The following MIB1 variants were observed in gnomAD, a reference collection of about 807,000 sequenced individuals.
The protein encoded by MIB1 is E3 ubiquitin-protein ligase MIB1.
Under a neutral mutation model 124.5 loss-of-function variants are expected in MIB1, and 278 were observed. The observed-to-expected ratio is 2.23, with a 90% CI of 2.02 to 2.47. MIB1 has a LOEUF of 2.47. MIB1 is among the 30% of genes most tolerant of loss of function. MIB1 has a pLI of 0.00. For missense variants in MIB1, 957 were observed against 1,254.4 expected (o/e 0.76, Z 3.58); for synonymous variants, 446 against 429.4 (o/e 1.04, Z -0.48).
chr18:21,857,674 T>G (rs184816665), intron 19 of MIB1, among the ~76,000 whole-genome samples: 195 of 152,396 alleles, frequency 1.3e-3, no homozygotes, highest in Admixed American at 2.6e-3. Context: ...TGGTAATTAT[T>G]TGGGACAGAG....
In MIB1 at chr18:21,819,643, C is replaced by CCA; in HGVS notation, c.1827_1828dup (p.Ser610ThrfsTer37). On this transcript the variant is annotated frameshift_variant, in exon 12 of 21. Coordinates refer to ENST00000261537, the MANE Select transcript of MIB1 (RefSeq NM_020774.4). LOFTEE classifies it high-confidence loss of function. Reference sequence around the variant, plus strand: ...CATCATGCTGCACTAAGGGGAAATCCCAGGTATGTCACCCCTTACTATTTT... The same window carrying CCA: ...CATCATGCTGCACTAAGGGGAAATCCCACAGGTATGTCACCCCTTACTATTTT... 1 of 1,532,040 alleles carries CCA rather than the reference C, an allele frequency of 6.5e-7. No homozygotes were observed. Among genetic ancestry groups the CCA allele is most frequent in the Non-Finnish European group, 8.8e-7 (1 of 1,136,666 alleles). The allele number at this position is 1,532,040 out of a possible 1,614,324, so 94.9% of individuals were successfully genotyped here.
At chr18:21,757,971 G>T (rs144480899) in intron 1 of MIB1, among the ~76,000 whole-genome samples, 22 of 152,288 alleles carry the variant, frequency 1.4e-4, no homozygotes, top group African/African-American at 4.8e-4. Context: ...TAGAGTGAAT[G>T]AAGTGCTTTA....
chr18:21,741,679 C>T lies in MIB1; in HGVS notation c.96C>T (p.Gly32=), dbSNP rs766918256. The T allele has an allele frequency of 6.2e-7, 1 of 1,611,010 alleles. No homozygotes were observed. Among genetic ancestry groups the T allele is most frequent in the Non-Finnish European group, 8.5e-7 (1 of 1,179,268 alleles). The change falls in exon 1 of 21, where the codon GGC becomes GGT. Residue 32 remains glycine, a synonymous_variant. Transcript: ENST00000261537. The surrounding 1 kb of genome is among the most constrained non-coding windows in gnomAD (Gnocchi z 5.4). ...PDWKWGKQDG[G]EGHVGTVRSF... ...GGAAGTGGGGGAAGCAGGACGGCGG[C>T]GAGGGCCATGTGGGCACCGTCCGGA...
chr18:21,733,366 C>T (rs529282557), intron 1 of MIB1, among the ~76,000 whole-genome samples: 49 of 152,182 alleles, frequency 3.2e-4, no homozygotes, highest in Non-Finnish European at 6.3e-4. Flanking sequence ...GTGATCATCT[C>T]GCCTCAGCCC....
In MIB1 at chr18:21,742,568, C is replaced by CCTTGATTAGTGAAT. The variant is rs3217670; in HGVS notation, c.229+771_229+784dup. The stretch of plus-strand genomic sequence containing the variant: ...CATTCACCCAGCAGTGAGTCAGGGT[C>CCTTGATTAGTGAAT]CTTGATTAGTGAATCTTGATTAGTG... On this transcript the variant is annotated intron_variant, in intron 1 of 20. Transcript: ENST00000261537. Among the ~76,000 whole-genome samples, 275 of 152,138 alleles carry CCTTGATTAGTGAAT rather than the reference C, an allele frequency of 1.8e-3. 6 individuals are homozygous for CCTTGATTAGTGAAT. The East Asian group carries it at 0.042, about 23-fold the overall frequency.
intron 1 of MIB1, among the ~76,000 whole-genome samples, chr18:21,757,096 T>A (rs1420726454): frequency 1.3e-5 from 2 of 152,014 alleles, no homozygotes; most frequent in African/African-American, 4.8e-5. Context: ...CAACTCTTAC[T>A]ATGGTAAGAG....
At chr18:21,798,020 C>G in intron 7 of MIB1, 64 bp from the exon 8 acceptor site, 2 of 1,487,176 alleles carry the variant, frequency 1.3e-6, no homozygotes, top group Non-Finnish European at 1.8e-6. Flanking sequence ...CATATAAAAA[C>G]TAGTGATTGA....
At chr18:21,849,091 A>G (rs1201252959) in intron 16 of MIB1, 105 bp from the exon 17 acceptor site, 4 of 706,138 alleles carry the variant, frequency 5.7e-6, no homozygotes, top group Middle Eastern at 3.0e-4. Context: ...TTTTAATATG[A>G]CTAGTTTTTA....
chr18:21,733,209 G>A (rs575823543), intron 1 of MIB1, among the ~76,000 whole-genome samples: 20 of 152,192 alleles, frequency 1.3e-4, no homozygotes, highest in Non-Finnish European at 2.1e-4. Context: ...GCTGATGTGA[G>A]TGAAATAGTT....
At chr18:21,798,285 T>A in intron 8 of MIB1, 57 bp downstream of exon 8, 3 of 1,545,086 alleles carry the variant, frequency 1.9e-6, no homozygotes, top group Non-Finnish European at 2.7e-6. Flanking sequence ...AAACCTTTGC[T>A]AATTCCCCAG....
intron 18 of MIB1, among the ~76,000 whole-genome samples, chr18:21,854,089 A>C (rs1206669891): frequency 6.6e-6 from 1 of 151,492 alleles, no homozygotes; most frequent in Admixed American, 6.6e-5. Flanking sequence ...TTCTTCTGTA[A>C]CATTTTGCCT....
Position 21,843,928 on chromosome 18 carries a change from G to C in MIB1, c.2050-164G>C, listed in dbSNP as rs186821859. ...ACCAGAACACGTGACTCTTTGTAAG[G>C]AGCCACAGGGTTGGAGAAGAGTAGA... On this transcript the variant is annotated intron_variant, in intron 14 of 20. Coordinates refer to ENST00000261537, the MANE Select transcript of MIB1 (RefSeq NM_020774.4). Among the ~76,000 whole-genome samples the C allele has an allele frequency of 5.3e-5, 8 of 152,198 alleles. No individual in the cohort carries two copies. The East Asian group carries it at 1.5e-3, about 29-fold the overall frequency.
At chr18:21,766,249 A>G (rs1362266898) in intron 2 of MIB1, among the ~76,000 whole-genome samples, 1 of 152,210 alleles carries the variant, frequency 6.6e-6, no homozygotes, top group African/African-American at 2.4e-5. Context: ...TTTTCTTCTC[A>G]CTATGCCTTC....
chr18:21,816,489 A>G (rs1222014520), intron 11 of MIB1, among the ~76,000 whole-genome samples: 2 of 152,212 alleles, frequency 1.3e-5, no homozygotes, highest in African/African-American at 2.4e-5. Context: ...TAATTTGCCA[A>G]CTTTTAGGTT....
At chr18:21,754,624 A>G (rs1397241895) in intron 1 of MIB1, among the ~76,000 whole-genome samples, 7 of 152,332 alleles carry the variant, frequency 4.6e-5, no homozygotes, top group Admixed American at 2.6e-4. Flanking sequence ...TCCTTTAAGT[A>G]AAAAGGTGAA....
At chr18:21,833,937 G>A (rs917599463) in intron 12 of MIB1, among the ~76,000 whole-genome samples, 2 of 152,252 alleles carry the variant, frequency 1.3e-5, no homozygotes, top group South Asian at 2.1e-4. Context: ...GAGCATTAGG[G>A]AAAATATCTC....
In MIB1 at chr18:21,819,569, A is replaced by T. The variant is rs1166411245; in HGVS notation, c.1752A>T (p.Glu584Asp). Residue 584 changes from glutamate to aspartate, a missense_variant, in exon 12 of 21, where the codon GAA (glutamate) becomes GAT (aspartate). By Grantham distance (45) the Glu-to-Asp change is conservative. Coordinates refer to ENST00000261537, the MANE Select transcript of MIB1 (RefSeq NM_020774.4). ...ATGATATCCTAGCAGTTCTTTTGGA[A>T]GCTGGAGCAGATGTTACCATCACAA... ...KRDDILAVLLEAGADVTITNN... is the reference protein window; with the variant it reads ...KRDDILAVLLDAGADVTITNN... 4.3e-6 allele frequency: 7 copies of T among 1,612,264 alleles called. No homozygotes were observed. The highest frequency in any genetic ancestry group is 1.7e-5 in the Admixed American group (1 of 59,942).
intron 3 of MIB1, among the ~76,000 whole-genome samples, chr18:21,772,118 C>G (rs551703856): frequency 7.2e-5 from 11 of 152,198 alleles, no homozygotes; most frequent in African/African-American, 2.4e-4. Flanking sequence ...AAACATAAAA[C>G]CTTTTTATTT....
At chr18:21,838,616 C>T in intron 13 of MIB1, 119 bp downstream of exon 13, 1 of 703,778 alleles carries the variant, frequency 1.4e-6, no homozygotes. Flanking sequence ...AGTAAAACCT[C>T]ATGATGATGA....
Sources: gnomAD v4.1 joint callset for allele counts (sites outside exome capture counted in the v4.1 genomes callset) on GRCh38, gnomAD v4.1.1 for gene constraint, Gnocchi (gnomAD v3.1) non-coding constraint, MANE v1.5 for transcripts, NCBI Gene and HGNC (gene_info 2026-07-23, HGNC 2026-07-21) for gene names.